MINDY2: variants seen among roughly 807,000 people sequenced by gnomAD.
The protein encoded by MINDY2 is ubiquitin carboxyl-terminal hydrolase MINDY-2.
In MINDY2, 52 loss-of-function variants were observed where a neutral mutation model predicts 68.2. That is an observed-to-expected ratio of 0.76 (90% CI 0.61 to 0.96). MINDY2 has a LOEUF of 0.96. MINDY2 is among the 40% of genes least tolerant of loss of function. The pLI is 0.00. For missense variants in MINDY2, 881 were observed against 773.4 expected, an observed-to-expected ratio of 1.14 and a Z score of -1.65; for synonymous variants, 372 against 303.0, an observed-to-expected ratio of 1.23 and a Z score of -2.36.
intron 3 of MINDY2, among the ~76,000 whole-genome samples, 190 bp from the exon 4 acceptor site, chr15:58,810,040 T>TGG: frequency 1.3e-5 from 2 of 152,328 alleles, no homozygotes; most frequent in Middle Eastern, 3.4e-3. Context: ...GTGTCTGTTT[T>TGG]ATTCATTGTT....
At chr15:58,826,225 C>CTTTT (rs34666834) in intron 5 of MINDY2, among the ~76,000 whole-genome samples, 48 of 98,162 alleles carry the variant, frequency 4.9e-4, no homozygotes, top group African/African-American at 1.1e-3. Flanking sequence ...TTCACACAAT[C>CTTTT]TTTTTTTTTT....
chr15:58,786,102 T>C (rs972210416), intron 1 of MINDY2, among the ~76,000 whole-genome samples: 2 of 152,236 alleles, frequency 1.3e-5, no homozygotes, highest in Non-Finnish European at 2.9e-5. Context: ...TTGACTGTCA[T>C]ATATGCTTAC....
At chr15:58,801,380 TAAAAAAAAAAAAAAAAAA>T (rs1188514448) in intron 2 of MINDY2, among the ~76,000 whole-genome samples, 5 of 22,590 alleles carry the variant, frequency 2.2e-4, no homozygotes, top group Non-Finnish European at 4.2e-4. Flanking sequence ...CCCCATCTCT[TAAAAAAAAAAAAAAAAAA>T]AAAAAAAAAA....
chr15:58,844,619 T>TA (rs1365897440), intron 6 of MINDY2, among the ~76,000 whole-genome samples: 2 of 145,506 alleles, frequency 1.4e-5, no homozygotes, highest in Admixed American at 1.4e-4. Flanking sequence ...ATAGTTTTTT[T>TA]AAAAAAATAA....
chr15:58,786,773 G>C (rs1595708522), intron 1 of MINDY2, among the ~76,000 whole-genome samples: 1 of 152,086 alleles, frequency 6.6e-6, no homozygotes, highest in East Asian at 1.9e-4. Context: ...AACTCCTTCT[G>C]TTACCACTGG....
intron 2 of MINDY2, among the ~76,000 whole-genome samples, chr15:58,793,678 A>G (rs1390244507): frequency 1.3e-5 from 2 of 152,200 alleles, no homozygotes; most frequent in African/African-American, 2.4e-5. Flanking sequence ...TAGATAGTTC[A>G]TCCATGGTAA....
At chr15:58,828,470 C>T (rs1272373609) in intron 5 of MINDY2, among the ~76,000 whole-genome samples, 1 of 151,942 alleles carries the variant, frequency 6.6e-6, no homozygotes, top group Non-Finnish European at 1.5e-5. Context: ...ATTATAGTAC[C>T]TCTGTAACTT....
intron 1 of MINDY2, among the ~76,000 whole-genome samples, chr15:58,775,167 C>A (rs1389764894): frequency 6.6e-6 from 1 of 152,156 alleles, no homozygotes; most frequent in African/African-American, 2.4e-5. Context: ...GTAATGACAT[C>A]GCTCTGTCAG....
intron 7 of MINDY2, among the ~76,000 whole-genome samples, chr15:58,849,487 A>G (rs1441773145): frequency 2.0e-5 from 3 of 152,128 alleles, no homozygotes. Flanking sequence ...CCTGGACGAC[A>G]GAGCAAGACT....
intron 4 of MINDY2, among the ~76,000 whole-genome samples, chr15:58,818,974 T>C (rs1401468681): frequency 1.3e-5 from 2 of 151,946 alleles, no homozygotes; most frequent in Non-Finnish European, 2.9e-5. Flanking sequence ...TAGTTGGGTT[T>C]TGGGGGGTTT....
At position 58,816,995 on chromosome 15, in the gene MINDY2, C is replaced by G. The variant is rs2030731212; in HGVS notation, c.1123-4722C>G. Among the ~76,000 whole-genome samples, 3 of 152,114 alleles carry G rather than the reference C, an allele frequency of 2.0e-5. No individual in the cohort carries two copies. In the South Asian group the frequency reaches 6.2e-4, roughly 32 times the overall value. ...CATGGAGGGGGAAAAAAAAGTTTAA[C>G]TATAAAAAATAAAACTACAAAAGTT... is the stretch of plus-strand genomic sequence containing the variant. On this transcript the variant is annotated intron_variant, in intron 4 of 8. Transcript: ENST00000559228.
chr15:58,843,679 C>G (rs2032385135), intron 6 of MINDY2, among the ~76,000 whole-genome samples: 1 of 151,688 alleles, frequency 6.6e-6, no homozygotes, highest in African/African-American at 2.4e-5. Flanking sequence ...ACTAAAAATA[C>G]AAAAATTAGC....
chr15:58,790,590 G>T (rs533350700), intron 2 of MINDY2, among the ~76,000 whole-genome samples: 1 of 152,024 alleles, frequency 6.6e-6, no homozygotes, highest in African/African-American at 2.4e-5. Flanking sequence ...GACCTTAGTG[G>T]GGGGTAAGAC....
At chr15:58,790,122 C>G (rs1329774589) in intron 2 of MINDY2, among the ~76,000 whole-genome samples, 2 of 152,164 alleles carry the variant, frequency 1.3e-5, no homozygotes, top group Non-Finnish European at 2.9e-5. Flanking sequence ...ATTTAATCCC[C>G]ATTCACTGGC....
chr15:58,781,315 G>A (rs749948754), intron 1 of MINDY2, among the ~76,000 whole-genome samples: 10 of 152,132 alleles, frequency 6.6e-5, no homozygotes, highest in Non-Finnish European at 1.5e-4. Flanking sequence ...GCCTCCCAAA[G>A]TGCTGGGATT....
intron 2 of MINDY2, chr15:58,796,042 G>T (rs139898373): frequency 1.5e-5 from 7 of 454,078 alleles, no homozygotes; most frequent in African/African-American, 1.0e-4. Context: ...TCATCAAACC[G>T]TGTCACTGCA....
In MINDY2 at chr15:58,771,568, C is replaced by T. The variant is rs773633276; in HGVS notation, c.173C>T (p.Ala58Val). ...GGCGGGAATGGGCTGGGGGCGGCGG[C>T]CGCCAGGAGGAGCCTCCCGGACTCG... The part of the protein sequence containing the change: ...TSGGNGLGAA[A>V]ARRSLPDSAS... The change falls in exon 1 of 9, where the codon GCC (alanine) becomes GTC (valine). Residue 58 changes from alanine to valine, a missense_variant. Coordinates refer to ENST00000559228, the MANE Select transcript of MINDY2 (RefSeq NM_001040450.3). 1.2e-6 allele frequency: 2 copies of T among 1,610,964 alleles called. No homozygotes were observed. Among genetic ancestry groups the T allele is most frequent in the East Asian group, 2.2e-5 (1 of 44,856 alleles).
intron 2 of MINDY2, among the ~76,000 whole-genome samples, chr15:58,789,839 G>A (rs1901770506): frequency 6.6e-6 from 1 of 152,068 alleles, no homozygotes; most frequent in Admixed American, 6.5e-5. Context: ...TAGAGATGGG[G>A]TTTCTCCATG....
intron 6 of MINDY2, 73 bp downstream of exon 6, chr15:58,831,989 T>G: frequency 7.6e-7 from 1 of 1,314,168 alleles, no homozygotes; most frequent in Non-Finnish European, 1.0e-6. Context: ...TCTTTTGATC[T>G]GCTTATAAAT....
Sources: allele counts gnomAD v4.1 joint callset (sites outside exome capture counted in the v4.1 genomes callset), GRCh38; gene constraint gnomAD v4.1.1; transcripts MANE v1.5; gene names NCBI Gene and HGNC (gene_info 2026-07-23, HGNC 2026-07-21).